The following FSTL5 variants were observed in gnomAD, a reference collection of about 807,000 sequenced individuals.
FSTL5 encodes follistatin-related protein 5.
A neutral mutation model predicts 89.1 loss-of-function variants in FSTL5; 62 were observed. The observed-to-expected ratio is 0.70, with a 90% CI of 0.57 to 0.86. The LOEUF (loss-of-function observed/expected upper bound fraction) is 0.86. FSTL5 is among the 40% of genes least tolerant of loss of function. FSTL5 has a pLI of 0.00. For synonymous variants in FSTL5, 383 were observed against 346.2 expected (o/e 1.11, Z -1.18); for missense variants, 1,057 against 1,001.6 (o/e 1.06, Z -0.75).
chr4:161,526,704 A>G (rs1578899852), intron 10 of FSTL5, among the ~76,000 whole-genome samples: 2 of 152,320 alleles, frequency 1.3e-5, no homozygotes, highest in African/African-American at 4.8e-5. Flanking sequence ...TGAATAGGGA[A>G]TCCTTTCCAC....
At chr4:161,518,605 A>G (rs1730920674) in intron 10 of FSTL5, among the ~76,000 whole-genome samples, 1 of 152,188 alleles carries the variant, frequency 6.6e-6, no homozygotes, top group Non-Finnish European at 1.5e-5. Flanking sequence ...ATCAAACAAT[A>G]TAAGTCTACT....
At chr4:161,990,577 G>A (rs527452159) in intron 3 of FSTL5, among the ~76,000 whole-genome samples, 73 of 151,754 alleles carry the variant, frequency 4.8e-4, no homozygotes, top group African/African-American at 7.7e-4. Context: ...CATAAATTAC[G>A]TTACCATTAT....
rs1730532722 is a variant in FSTL5 at position 161,384,169 on chromosome 4, G to T, written c.*1578C>A. 1 of 152,070 alleles carries T rather than the reference G, an allele frequency of 6.6e-6. No homozygotes were observed. The highest frequency in any genetic ancestry group is 6.5e-5 in the Admixed American group (1 of 15,270). The allele number at this position is 152,070 out of a possible 1,614,324, so 9.4% of individuals were successfully genotyped here. A position where few individuals can be genotyped will look rare whatever the true frequency, so the allele number is the denominator to read the frequency against. On this transcript the variant is annotated 3_prime_UTR_variant, in exon 16 of 16. Transcript: ENST00000306100. ...AAATCTACTGTATCACACAGCTCAG[G>T]ATGCTATATACACATAAGATATTAC...
intron 5 of FSTL5, among the ~76,000 whole-genome samples, chr4:161,761,625 C>T (rs1019226445): frequency 6.6e-6 from 1 of 152,192 alleles, no homozygotes; most frequent in African/African-American, 2.4e-5. Flanking sequence ...GGACTTCCCA[C>T]TTTATACTTA....
chr4:162,018,972 C>A (rs566866464), intron 3 of FSTL5, among the ~76,000 whole-genome samples: 11 of 152,088 alleles, frequency 7.2e-5, no homozygotes, highest in Non-Finnish European at 1.2e-4. Flanking sequence ...CCACTGATAA[C>A]TAAATATATT....
chr4:161,456,369 A>G (rs1380975290), intron 14 of FSTL5, among the ~76,000 whole-genome samples: 1 of 152,188 alleles, frequency 6.6e-6, no homozygotes, highest in Non-Finnish European at 1.5e-5. Flanking sequence ...CATATATCTA[A>G]AATTATGACA....
chr4:162,040,879 G>T (rs1408563323), intron 2 of FSTL5, among the ~76,000 whole-genome samples: 2 of 151,128 alleles, frequency 1.3e-5, no homozygotes, highest in Non-Finnish European at 2.9e-5. Flanking sequence ...CTTGTCCATT[G>T]TCTGTTCCTC....
chr4:161,609,338 G>A (rs370171583), intron 7 of FSTL5, among the ~76,000 whole-genome samples: 1 of 152,018 alleles, frequency 6.6e-6, no homozygotes, highest in Non-Finnish European at 1.5e-5. Context: ...ATTACTAAGC[G>A]ATATATCAAT....
At chr4:161,547,289 G>C (rs1362824927) in intron 8 of FSTL5, among the ~76,000 whole-genome samples, 1 of 151,978 alleles carries the variant, frequency 6.6e-6, no homozygotes, top group East Asian at 1.9e-4. Context: ...TAGCTAAGCT[G>C]TTCTCAAATT....
intron 4 of FSTL5, among the ~76,000 whole-genome samples, chr4:161,868,328 C>G (rs1732156788): frequency 6.6e-6 from 1 of 152,040 alleles, no homozygotes; most frequent in Non-Finnish European, 1.5e-5. Flanking sequence ...AATCAAATAG[C>G]CAAGACAAAA....
In FSTL5 at chr4:161,538,308, A is replaced by G. The variant is rs757125440; in HGVS notation, c.1178-8T>C. On this transcript the variant is annotated splice_polypyrimidine_tract_variant and splice_region_variant and intron_variant, in intron 9 of 15. Transcript: ENST00000306100. Reference sequence around the variant, plus strand: ...GAACCTCACTGCCATTTGCTGAAAAAAGAAGGGAAATGCAACTTGTAAACT... The same window carrying G: ...GAACCTCACTGCCATTTGCTGAAAAGAGAAGGGAAATGCAACTTGTAAACT... The G allele has an allele frequency of 1.2e-6, 2 of 1,613,648 alleles. No individual in the cohort carries two copies. The highest frequency in any genetic ancestry group is 3.3e-5 in the Admixed American group (2 of 60,000).
Position 161,998,710 on chromosome 4 carries a change from T to C in FSTL5, c.160+34915A>G, listed in dbSNP as rs1470705611. Among the ~76,000 whole-genome samples, 4 of 152,330 alleles carry C rather than the reference T, an allele frequency of 2.6e-5. No homozygotes were observed. The East Asian group carries it at 7.7e-4, about 29-fold the overall frequency. On this transcript the variant is annotated intron_variant, in intron 3 of 15. Transcript: ENST00000306100. Reference sequence around the variant, plus strand: ...GAATTGCTTTGGGTTCAATAATCAATCAATTCAATTAAGATATTCACCATG... The same window carrying C: ...GAATTGCTTTGGGTTCAATAATCAACCAATTCAATTAAGATATTCACCATG...
chr4:161,675,196 T>A (rs1234062995), intron 6 of FSTL5, among the ~76,000 whole-genome samples: 1 of 151,032 alleles, frequency 6.6e-6, no homozygotes, highest in African/African-American at 2.5e-5. Context: ...TTACTCTCAT[T>A]AAGAAACGTC....
At position 161,724,022 on chromosome 4, in the gene FSTL5, CA is replaced by C. The variant is rs370849717; in HGVS notation, c.727+35388del. ...TAAAAAGGTAAAATGACAGTACAAC[CA>C]GATGAGATTAAAATGAATAAGGCCT... On this transcript the variant is annotated intron_variant, in intron 6 of 15. Coordinates refer to ENST00000306100, the MANE Select transcript of FSTL5 (RefSeq NM_020116.5). Among the ~76,000 whole-genome samples the C allele has an allele frequency of 1.9e-3, 287 of 151,860 alleles. 3 individuals carry two copies. Among genetic ancestry groups the C allele is most frequent in the African/African-American group, 6.6e-3 (273 of 41,444 alleles).
chr4:161,976,620 T>C (rs1173503510), intron 3 of FSTL5, among the ~76,000 whole-genome samples: 3 of 152,112 alleles, frequency 2.0e-5, no homozygotes, highest in South Asian at 4.1e-4. Context: ...TAGCTGGGAC[T>C]ACAGGCGCCC....
chr4:162,045,898 GGT>G (rs1738154286), intron 2 of FSTL5, among the ~76,000 whole-genome samples: 1 of 151,938 alleles, frequency 6.6e-6, no homozygotes, highest in African/African-American at 2.4e-5. Flanking sequence ...ACATTTAAAG[GGT>G]GTACCTATTT....
intron 3 of FSTL5, among the ~76,000 whole-genome samples, chr4:161,936,806 G>A (rs1230906316): frequency 1.3e-5 from 2 of 152,108 alleles, no homozygotes; most frequent in Non-Finnish European, 2.9e-5. Context: ...CTCTACCACA[G>A]TGCATTCCAC....
chr4:161,614,816 G>A (rs369341206), intron 7 of FSTL5, among the ~76,000 whole-genome samples: 8 of 152,066 alleles, frequency 5.3e-5, no homozygotes, highest in African/African-American at 1.9e-4. Context: ...TATTCTCAAG[G>A]ATTAAGTATT....
At chr4:161,525,748 G>A (rs1011901075) in intron 10 of FSTL5, among the ~76,000 whole-genome samples, 17 of 152,040 alleles carry the variant, frequency 1.1e-4, no homozygotes, top group African/African-American at 2.4e-4. Context: ...GCAGTAAAAC[G>A]AACACTACTG....
Sources: gnomAD v4.1 joint callset for allele counts (sites outside exome capture counted in the v4.1 genomes callset) on GRCh38, gnomAD v4.1.1 for gene constraint, MANE v1.5 for transcripts, NCBI Gene and HGNC (gene_info 2026-07-23, HGNC 2026-07-21) for gene names.